Variants in PPL observed in about 807,000 individuals in gnomAD.
PPL encodes the protein periplakin, also known as 190 kDa paraneoplastic pemphigus antigen.
In PPL, 198 loss-of-function variants were observed where a neutral mutation model predicts 194.4. That is an observed-to-expected ratio of 1.02 (90% CI 0.91 to 1.15). PPL has a LOEUF of 1.15. PPL is among the 50% of genes most tolerant of loss of function. PPL has a pLI of 0.00. For missense variants in PPL, 2,885 were observed against 2,294.8 expected (o/e 1.26, Z -5.25); for synonymous variants, 1,220 against 972.4 (o/e 1.25, Z -4.74).
intron 18 of PPL, among the ~76,000 whole-genome samples, chr16:4,889,614 A>C (rs2088283218): frequency 2.0e-5 from 3 of 152,100 alleles, no homozygotes; most frequent in African/African-American, 7.2e-5. Flanking sequence ...CTCTGCTAGG[A>C]AACAAATGTT....
chr16:4,894,601 G>C lies in PPL; in HGVS notation c.1260C>G (p.Gly420=), dbSNP rs1437211767. 1.9e-6 allele frequency: 3 copies of C among 1,613,248 alleles called. No homozygotes were observed. Among genetic ancestry groups the C allele is most frequent in the Non-Finnish European group, 2.5e-6 (3 of 1,179,884 alleles). Residue 420 remains glycine, a synonymous_variant, in exon 12 of 22, where the codon GGC becomes GGG. Transcript: ENST00000345988. Reference sequence around the variant, plus strand: ...TGTTCTTCTGCAGGGTGTAGCTGTAGCCCCGCGAGATCAGGCCCTGGCGGG... The same window carrying C: ...TGTTCTTCTGCAGGGTGTAGCTGTACCCCCGCGAGATCAGGCCCTGGCGGG... ...FEGEQGLISR[G]YSYTLQKNNG... is the part of the protein sequence containing the mutation.
chr16:4,893,691 CCA>C, intron 12 of PPL, 53 bp from the exon 13 acceptor site: 2 of 1,471,188 alleles, frequency 1.4e-6, no homozygotes, highest in Non-Finnish European at 1.8e-6. Context: ...CCCCCTGCAC[CCA>C]CAGAGGCGGG....
chr16:4,890,868 C>G lies in PPL; in HGVS notation c.2022G>C (p.Gln674His). 1 of 1,552,128 alleles carries G rather than the reference C, an allele frequency of 6.4e-7. No homozygotes were observed. Among genetic ancestry groups the G allele is most frequent in the Non-Finnish European group, 8.7e-7 (1 of 1,145,868 alleles). ...AGCACTGCTTGGCCGCCTGCAAGTT[C>G]TGCTCCACCTCACCCAGGAGGGACT... ...AQKSLLGEVE[Q>H]NLQAAKQCSS... is the part of the protein sequence containing the mutation. Residue 674 changes from glutamine (Q) to histidine (H), a missense_variant, in exon 17 of 22, where the codon CAG becomes CAC. Gln to His is a conservative substitution (Grantham distance 24). Coordinates refer to ENST00000345988, the MANE Select transcript of PPL (RefSeq NM_002705.5).
At chr16:4,892,365 AC>A in intron 14 of PPL, 152 bp from the exon 15 acceptor site, 1 of 877,294 alleles carries the variant, frequency 1.1e-6, no homozygotes, top group Non-Finnish European at 1.7e-6. Flanking sequence ...CGGCATCTGG[AC>A]CCCAGCCTGA....
intron 1 of PPL, among the ~76,000 whole-genome samples, chr16:4,911,393 C>A (rs1181669970): frequency 6.6e-6 from 1 of 152,076 alleles, no homozygotes; most frequent in Non-Finnish European, 1.5e-5. Flanking sequence ...AACTCCTGAC[C>A]TCAAGTGATC....
At chr16:4,918,862 A>G (rs1876364) in intron 1 of PPL, among the ~76,000 whole-genome samples, 124,351 of 152,080 alleles carry the variant, frequency 0.82, 53,273 homozygotes, top group East Asian at 0.99. Flanking sequence ...AACCTGCAGG[A>G]AAGGGGACAG....
intron 2 of PPL, among the ~76,000 whole-genome samples, chr16:4,909,479 C>T (rs947126004): frequency 1.3e-4 from 18 of 143,528 alleles, no homozygotes; most frequent in African/African-American, 2.7e-4. Flanking sequence ...CAGGCTGGAG[C>T]GCAGTGGCAC....
In PPL at chr16:4,926,057, G is replaced by A. The variant is rs115770824; in HGVS notation, c.62+10927C>T. Among the ~76,000 whole-genome samples, 537 of 152,258 alleles carry A rather than the reference G, an allele frequency of 3.5e-3. 4 individuals carry two copies. Among genetic ancestry groups the A allele is most frequent in the African/African-American group, 0.012 (512 of 41,544 alleles). ...GTCCCTCCAAACAGACCTTTCAGGCGGAAGCAACTGCCATTGAGTGAGCAC... is the reference window on the plus strand; with the variant it reads ...GTCCCTCCAAACAGACCTTTCAGGCAGAAGCAACTGCCATTGAGTGAGCAC... On this transcript the variant is annotated intron_variant, in intron 1 of 21. Coordinates refer to ENST00000345988, the MANE Select transcript of PPL (RefSeq NM_002705.5).
intron 9 of PPL, 63 bp from the exon 10 acceptor site, chr16:4,895,779 G>C (rs1231268989): frequency 1.2e-6 from 2 of 1,609,322 alleles, no homozygotes; most frequent in African/African-American, 2.7e-5. Flanking sequence ...GCTTCTGTCG[G>C]AGGCTTCAAG....
In PPL at chr16:4,883,155, T is replaced by G; in HGVS notation, c.*229A>C. The G allele has an allele frequency of 1.8e-6, 1 of 564,390 alleles. No individual in the cohort carries two copies. Among genetic ancestry groups the G allele is most frequent in the Non-Finnish European group, 3.1e-6 (1 of 320,106 alleles). 35.0% of individuals were successfully genotyped at this position (564,390 alleles called of 1,614,324 possible). ...AAAGGCATCGCAGTTGTCCAGTCAT[T>G]GGAGGATGAAGTACGTCACTCAGGG... is the stretch of plus-strand genomic sequence containing the variant. On this transcript the variant is annotated 3_prime_UTR_variant, in exon 22 of 22. Coordinates refer to ENST00000345988, the MANE Select transcript of PPL (RefSeq NM_002705.5). The surrounding 1 kb of genome is among the most constrained non-coding windows in gnomAD (Gnocchi z 4.8).
At chr16:4,915,341 G>A (rs771216315) in intron 1 of PPL, among the ~76,000 whole-genome samples, 1 of 152,222 alleles carries the variant, frequency 6.6e-6, no homozygotes, top group Non-Finnish European at 1.5e-5. Flanking sequence ...ACAGCCTCAG[G>A]CAAGTGCCCT....
At chr16:4,935,655 A>G (rs901591534) in intron 1 of PPL, among the ~76,000 whole-genome samples, 1 of 152,068 alleles carries the variant, frequency 6.6e-6, no homozygotes, top group Non-Finnish European at 1.5e-5. Context: ...GGTGGGTGGG[A>G]TCACAGGGCA....
At chr16:4,895,039 A>C (rs1040360443) in intron 11 of PPL, among the ~76,000 whole-genome samples, 3 of 152,244 alleles carry the variant, frequency 2.0e-5, no homozygotes, top group Admixed American at 6.5e-5. Context: ...ACTTCTGAGG[A>C]GGGACTGGGG....
chr16:4,922,472 G>A (rs1195146538), intron 1 of PPL, among the ~76,000 whole-genome samples: 1 of 152,122 alleles, frequency 6.6e-6, no homozygotes, highest in East Asian at 1.9e-4. Flanking sequence ...GACCAGCCTG[G>A]CCAACATAGT....
At chr16:4,904,206 T>G (rs372394255) in intron 2 of PPL, among the ~76,000 whole-genome samples, 166 bp from the exon 3 acceptor site, 1 of 152,242 alleles carries the variant, frequency 6.6e-6, no homozygotes, top group South Asian at 2.1e-4. Context: ...TTCCATCTCT[T>G]TGCTGCTACG....
At chr16:4,895,516 G>A in intron 10 of PPL, 78 bp downstream of exon 10, 1 of 1,609,630 alleles carries the variant, frequency 6.2e-7, no homozygotes, top group Non-Finnish European at 8.5e-7. Flanking sequence ...GGAGGGGCCT[G>A]TACAGGGCTG....
intron 2 of PPL, among the ~76,000 whole-genome samples, chr16:4,908,905 T>C (rs963259201): frequency 1.3e-5 from 2 of 152,218 alleles, no homozygotes; most frequent in South Asian, 2.1e-4. Context: ...TGAACACATA[T>C]TATTTTTGTT....
At chr16:4,933,861 G>A (rs1244608009) in intron 1 of PPL, among the ~76,000 whole-genome samples, 1 of 152,162 alleles carries the variant, frequency 6.6e-6, no homozygotes, top group Admixed American at 6.5e-5. Flanking sequence ...GTTTAACCCT[G>A]GGTACACCAC....
chr16:4,898,515 G>C (rs1166021379), intron 8 of PPL, among the ~76,000 whole-genome samples: 2 of 152,166 alleles, frequency 1.3e-5, no homozygotes, highest in African/African-American at 4.8e-5. Flanking sequence ...CTTATAAGAA[G>C]AGAGGATACA....
Sources: allele counts gnomAD v4.1 joint callset (sites outside exome capture counted in the v4.1 genomes callset), GRCh38; gene constraint gnomAD v4.1.1; non-coding constraint Gnocchi (gnomAD v3.1); transcripts MANE v1.5; gene names NCBI Gene and HGNC (gene_info 2026-07-23, HGNC 2026-07-21).